PHGDH: variants seen among roughly 807,000 people sequenced by gnomAD.
The protein encoded by PHGDH is D-3-phosphoglycerate dehydrogenase.
Under a neutral mutation model 52.6 loss-of-function variants are expected in PHGDH, and 50 were observed. The ratio of observed to expected loss-of-function variants is 0.95; its 90% CI spans 0.76 to 1.20. The LOEUF is 1.20. PHGDH is among the 50% of genes most tolerant of loss of function. The pLI is 0.00. For synonymous variants in PHGDH, 271 were observed against 280.5 expected, an observed-to-expected ratio of 0.97 and a Z score of 0.34; for missense variants, 630 against 684.6, an observed-to-expected ratio of 0.92 and a Z score of 0.89.
At chr1:119,713,036 C>T (rs1359722602) in intron 1 of PHGDH, 1 of 152,282 alleles carries the variant, frequency 6.6e-6, no homozygotes, top group Non-Finnish European at 1.5e-5. Context: ...TACTTCAAAT[C>T]TTTATCCACC....
chr1:119,742,649 A>G, intron 10 of PHGDH, 158 bp from the exon 11 acceptor site: 1 of 667,978 alleles, frequency 1.5e-6, no homozygotes, highest in Non-Finnish European at 2.8e-6. Context: ...AAGGGCACAC[A>G]GCTTGGCCCA....
At chr1:119,737,976 C>A (rs587657279) in intron 8 of PHGDH, among the ~76,000 whole-genome samples, 1 of 152,264 alleles carries the variant, frequency 6.6e-6, no homozygotes, top group South Asian at 2.1e-4. Context: ...GGCTTGCTGC[C>A]TCCTTCTGAA....
At chr1:119,727,203 C>T in intron 5 of PHGDH, 101 bp downstream of exon 5, 1 of 762,102 alleles carries the variant, frequency 1.3e-6, no homozygotes, top group Admixed American at 1.9e-5. Context: ...CTAGGAGGGT[C>T]TGACCCTCTC....
At chr1:119,729,177 G>C (rs1557973372) in intron 5 of PHGDH, among the ~76,000 whole-genome samples, 1 of 152,182 alleles carries the variant, frequency 6.6e-6, no homozygotes, top group Non-Finnish European at 1.5e-5. Context: ...TCCTGAGAGA[G>C]GCAGATGTAG....
At chr1:119,720,962 C>A in intron 1 of PHGDH, 1 of 607,542 alleles carries the variant, frequency 1.6e-6, no homozygotes, top group South Asian at 1.8e-5. Flanking sequence ...GAGGCACAGT[C>A]TCCTCCACTC....
At position 119,743,969 on chromosome 1, in the gene PHGDH, A is replaced by G; in HGVS notation, c.1531A>G (p.Ile511Val). ...SDGETWHVMG[I>V]SSLLPSLEAW... Reference sequence around the variant, plus strand: ...TGGGGAGACCTGGCACGTCATGGGCATCTCCTCCTTGCTGCCCAGCCTGGA... The same window carrying G: ...TGGGGAGACCTGGCACGTCATGGGCGTCTCCTCCTTGCTGCCCAGCCTGGA... The change falls in exon 12 of 12, where the codon ATC becomes GTC. Residue 511 changes from isoleucine (I) to valine (V), a missense_variant. Transcript: ENST00000641023. 1 of 1,614,046 alleles carries G rather than the reference A, an allele frequency of 6.2e-7. No individual in the cohort carries two copies. The highest frequency in any genetic ancestry group is 8.5e-7 in the Non-Finnish European group (1 of 1,179,914).
intron 9 of PHGDH, among the ~76,000 whole-genome samples, chr1:119,741,490 G>C (rs1424982772): frequency 6.6e-6 from 1 of 152,206 alleles, no homozygotes; most frequent in Non-Finnish European, 1.5e-5. Flanking sequence ...GGATGGCCAA[G>C]CCAGGTGCAG....
rs1318457670 is a variant in PHGDH at position 119,735,514 on chromosome 1, A to C, written c.792+71A>C. On this transcript the variant is annotated intron_variant, in intron 7 of 11. Coordinates refer to ENST00000641023, the MANE Select transcript of PHGDH (RefSeq NM_006623.4). ...GAGCAGAGAGGCCCATGGCAGGGAA[A>C]GCCTGGCGTTTTACAGAAAGCCTCT... 4.1e-6 allele frequency: 6 copies of C among 1,473,676 alleles called. No individual in the cohort carries two copies. In the South Asian group the frequency reaches 4.6e-5, roughly 11 times the overall value. The allele number at this position is 1,473,676 out of a possible 1,614,324, so 91.3% of individuals were successfully genotyped here.
rs587674701 is a variant in PHGDH at position 119,741,914 on chromosome 1, C to A, written c.1209+17C>A. 1.1e-4 allele frequency: 173 copies of A among 1,607,856 alleles called. No homozygotes were observed. Among genetic ancestry groups the A allele is most frequent in the South Asian group, 8.2e-4 (75 of 90,912 alleles). On this transcript the variant is annotated intron_variant, in intron 10 of 11. Transcript: ENST00000641023. Reference sequence around the variant, plus strand: ...GGCCTCAATGTGCGCCCCTCTCCCCCACGCTGCCTCCCCATCCCTGTCAGC... The same window carrying A: ...GGCCTCAATGTGCGCCCCTCTCCCCAACGCTGCCTCCCCATCCCTGTCAGC...
intron 1 of PHGDH, among the ~76,000 whole-genome samples, chr1:119,716,653 T>C (rs1389100012): frequency 1.3e-5 from 2 of 152,130 alleles, no homozygotes; most frequent in Admixed American, 1.3e-4. Flanking sequence ...AGATGATGAC[T>C]CTGGGTGGTC....
At chr1:119,738,205 G>A (rs1227320858) in intron 8 of PHGDH, among the ~76,000 whole-genome samples, 1 of 152,204 alleles carries the variant, frequency 6.6e-6, no homozygotes, top group Non-Finnish European at 1.5e-5. Flanking sequence ...AATGGGCTGG[G>A]TGTTCTTGGT....
At chr1:119,730,555 T>C (rs1002877249) in intron 5 of PHGDH, among the ~76,000 whole-genome samples, 2 of 152,182 alleles carry the variant, frequency 1.3e-5, no homozygotes, top group South Asian at 2.1e-4. Context: ...CAATAGAATA[T>C]TGTTTGTGAT....
intron 5 of PHGDH, among the ~76,000 whole-genome samples, chr1:119,732,442 G>T (rs143765547): frequency 6.6e-6 from 1 of 152,298 alleles, no homozygotes; most frequent in East Asian, 1.9e-4. Flanking sequence ...GTGCTCCAAT[G>T]TCTGTATATT....
rs188615449 is a variant in PHGDH at position 119,718,004 on chromosome 1, A to G, written c.139-3166A>G. ...TAAAACACTTCATTGTGAAGTATCA[A>G]CTGTGAGCTTGCCTACAGGCCACAG... On this transcript the variant is annotated intron_variant, in intron 1 of 11. Coordinates refer to ENST00000641023, the MANE Select transcript of PHGDH (RefSeq NM_006623.4). Among the ~76,000 whole-genome samples the G allele has an allele frequency of 3.4e-3, 518 of 152,326 alleles. 3 individuals carry two copies. Among genetic ancestry groups the G allele is most frequent in the African/African-American group, 0.012 (499 of 41,574 alleles).
chr1:119,730,411 C>T (rs1432040775), intron 5 of PHGDH, among the ~76,000 whole-genome samples: 1 of 152,134 alleles, frequency 6.6e-6, no homozygotes, highest in African/African-American at 2.4e-5. Context: ...TTGGACAAGG[C>T]TATACTTGAT....
chr1:119,721,359 G>T, intron 2 of PHGDH, 38 bp downstream of exon 2: 11 of 1,603,542 alleles, frequency 6.9e-6, no homozygotes, highest in Non-Finnish European at 6.8e-6. Flanking sequence ...GGGGGTAGGG[G>T]GGTGAGTGCG....
At chr1:119,735,227 T>A (rs1651877222) in intron 6 of PHGDH, 68 bp from the exon 7 acceptor site, 2 of 1,605,430 alleles carry the variant, frequency 1.2e-6, no homozygotes. Flanking sequence ...GGAAGACCTC[T>A]GGAAGCCAGG....
Position 119,742,599 on chromosome 1 carries a change from C to T in PHGDH, c.1210-208C>T, listed in dbSNP as rs997724436. 8.3e-5 allele frequency: 52 copies of T among 629,598 alleles called. No homozygotes were observed. In the East Asian group the frequency reaches 1.4e-3, roughly 17 times the overall value. The allele number at this position is 629,598 out of a possible 1,614,324, so 39.0% of individuals were successfully genotyped here. A position where few individuals can be genotyped will look rare whatever the true frequency, so the allele number is the denominator to read the frequency against. On this transcript the variant is annotated intron_variant, in intron 10 of 11. Transcript: ENST00000641023. Reference sequence around the variant, plus strand: ...TGCCTGGCAGATCTCTTTGCCCTCCCTTTAAGGAGATCATTGGCTGTTCCA... The same window carrying T: ...TGCCTGGCAGATCTCTTTGCCCTCCTTTTAAGGAGATCATTGGCTGTTCCA...
At chr1:119,725,092 CAGAA>C in intron 3 of PHGDH, 4 of 430,266 alleles carry the variant, frequency 9.3e-6, no homozygotes, top group South Asian at 4.9e-5. Context: ...GAACAGCACA[CAGAA>C]AGGAAGGAAG....
Sources: allele counts gnomAD v4.1 joint callset (sites outside exome capture counted in the v4.1 genomes callset), GRCh38; gene constraint gnomAD v4.1.1; transcripts MANE v1.5; gene names NCBI Gene and HGNC (gene_info 2026-07-23, HGNC 2026-07-21).